RNF157: variants seen among roughly 807,000 people sequenced by gnomAD.
RNF157 encodes the protein E3 ubiquitin ligase RNF157.
Under a neutral mutation model 88.3 loss-of-function variants are expected in RNF157, and 55 were observed. The ratio of observed to expected loss-of-function variants is 0.62; its 90% CI spans 0.50 to 0.78. The LOEUF (loss-of-function observed/expected upper bound fraction) is 0.78, where lower values mean the gene tolerates loss of function less well. Ranked by LOEUF, RNF157 falls within the 30% of genes least tolerant of loss-of-function variation. The pLI, the probability that RNF157 is intolerant of heterozygous loss-of-function variation, is 0.00. For missense variants in RNF157, 788 were observed against 860.8 expected (o/e 0.92, Z 1.06); for synonymous variants, 334 against 341.2 (o/e 0.98, Z 0.23).
At position 76,143,030 on chromosome 17, in the gene RNF157, C is replaced by T. The variant is rs1322723958; in HGVS notation, c.*2205G>A. ...CAAAAGGGTTGGCCACTGACCTGTC[C>T]TCATCAGGCTGACTGAGGACCAGCT... On this transcript the variant is annotated 3_prime_UTR_variant, in exon 19 of 19. Coordinates refer to ENST00000269391, the MANE Select transcript of RNF157 (RefSeq NM_052916.3). 1 of 152,250 alleles carries T rather than the reference C, an allele frequency of 6.6e-6. No individual in the cohort carries two copies. The highest frequency in any genetic ancestry group is 1.5e-5 in the Non-Finnish European group (1 of 68,070). 9.4% of individuals were successfully genotyped at this position (152,250 alleles called of 1,614,324 possible).
chr17:76,203,652 A>G (rs915767555), intron 2 of RNF157, among the ~76,000 whole-genome samples: 1 of 150,698 alleles, frequency 6.6e-6, no homozygotes, highest in African/African-American at 2.4e-5. Flanking sequence ...GGGTTTCACC[A>G]CGCTGGCCAG....
At chr17:76,167,582 T>C (rs2068947867) in intron 4 of RNF157, 69 bp downstream of exon 4, 6 of 1,599,638 alleles carry the variant, frequency 3.8e-6, no homozygotes, top group Non-Finnish European at 4.3e-6. Flanking sequence ...GGTAATACCA[T>C]TCTGGAACTC....
chr17:76,179,023 G>A (rs56009254), intron 2 of RNF157, among the ~76,000 whole-genome samples: 2,960 of 152,244 alleles, frequency 0.019, 50 homozygotes, highest in Non-Finnish European at 0.029. Context: ...CTAAAGTCAA[G>A]ACATCAGATA....
intron 2 of RNF157, among the ~76,000 whole-genome samples, chr17:76,211,560 G>A (rs1417095100): frequency 1.3e-5 from 2 of 152,214 alleles, no homozygotes; most frequent in Non-Finnish European, 2.9e-5. Flanking sequence ...ATGACTTTGA[G>A]AAAAATGTAT....
intron 1 of RNF157, among the ~76,000 whole-genome samples, chr17:76,231,494 C>T (rs943268487): frequency 6.6e-6 from 1 of 152,144 alleles, no homozygotes; most frequent in Non-Finnish European, 1.5e-5. Flanking sequence ...GATGAGATCT[C>T]ACCACGTTGA....
At chr17:76,223,776 CCAAA>C (rs985788269) in intron 1 of RNF157, among the ~76,000 whole-genome samples, 2 of 152,012 alleles carry the variant, frequency 1.3e-5, no homozygotes, top group Non-Finnish European at 2.9e-5. Context: ...AAACAAAAAA[CCAAA>C]CAGACTGCAC....
intron 2 of RNF157, among the ~76,000 whole-genome samples, chr17:76,207,256 CA>C (rs993569627): frequency 3.3e-5 from 5 of 152,002 alleles, no homozygotes; most frequent in African/African-American, 9.7e-5. Context: ...CCTGTCTCTA[CA>C]AAAAAAATTT....
chr17:76,180,691 C>T (rs962585676), intron 2 of RNF157, among the ~76,000 whole-genome samples: 3 of 152,068 alleles, frequency 2.0e-5, no homozygotes, highest in Admixed American at 6.5e-5. Flanking sequence ...TCCCAAAGTG[C>T]GGGGATTAGA....
In RNF157 at chr17:76,143,161, AT is replaced by A. The variant is rs1168410292; in HGVS notation, c.*2073del. On this transcript the variant is annotated 3_prime_UTR_variant, in exon 19 of 19. Transcript: ENST00000269391. ...AGTAACTGAGAAACAAGTAAAGGACATTTCTAACCTAGGTATGCCTTGGACA... is the reference window on the plus strand; with the variant it reads ...AGTAACTGAGAAACAAGTAAAGGACATTCTAACCTAGGTATGCCTTGGACA... The A allele has an allele frequency of 2.0e-5, 3 of 152,272 alleles. No homozygotes were observed. The highest frequency in any genetic ancestry group is 7.2e-5 in the African/African-American group (3 of 41,444). The allele number at this position is 152,272 out of a possible 1,614,324, so 9.4% of individuals were successfully genotyped here. A position where few individuals can be genotyped will look rare whatever the true frequency, so the allele number is the denominator to read the frequency against.
At chr17:76,170,647 A>G (rs973708022) in intron 3 of RNF157, among the ~76,000 whole-genome samples, 1 of 152,024 alleles carries the variant, frequency 6.6e-6, no homozygotes, top group Admixed American at 6.6e-5. Flanking sequence ...TTAGCCTCCC[A>G]CCTCAACTTC....
At chr17:76,231,937 GCTTT>G (rs1477269737) in intron 1 of RNF157, among the ~76,000 whole-genome samples, 1 of 152,122 alleles carries the variant, frequency 6.6e-6, no homozygotes, top group Non-Finnish European at 1.5e-5. Flanking sequence ...ACACTATTCT[GCTTT>G]CTATCTCTAT....
Position 76,146,951 on chromosome 17 carries a change from C to T in RNF157, c.1922-1598G>A. The T allele has an allele frequency of 3.0e-6, 3 of 985,406 alleles. No homozygotes were observed. Among genetic ancestry groups the T allele is most frequent in the Non-Finnish European group, 3.6e-6 (3 of 829,922 alleles). 61.0% of individuals were successfully genotyped at this position (985,406 alleles called of 1,614,324 possible). A position where few individuals can be genotyped will look rare whatever the true frequency, so the allele number is the denominator to read the frequency against. On this transcript the variant is annotated intron_variant, in intron 18 of 18. Transcript: ENST00000269391. This position sits in a 1 kb window ranked among gnomAD's most constrained non-coding sequence, Gnocchi z 4.2. ...GTCAACAGGTATAAATGGCTTATTT[C>T]CATCAATGCCTTGGTGTGCTAATCC...
At chr17:76,196,369 G>A (rs1233441928) in intron 2 of RNF157, among the ~76,000 whole-genome samples, 1 of 152,206 alleles carries the variant, frequency 6.6e-6, no homozygotes, top group African/African-American at 2.4e-5. Context: ...GTAACAACAG[G>A]AAAGGAGCAG....
intron 1 of RNF157, among the ~76,000 whole-genome samples, chr17:76,218,866 G>A (rs2069934604): frequency 6.6e-6 from 1 of 151,848 alleles, no homozygotes; most frequent in African/African-American, 2.4e-5. Context: ...CCCGGGAAGT[G>A]GAGGTTGCAG....
chr17:76,154,427 A>G, intron 16 of RNF157, 99 bp from the exon 17 acceptor site: 1 of 810,622 alleles, frequency 1.2e-6, no homozygotes, highest in Admixed American at 1.8e-5. Flanking sequence ...ATCTAACTCC[A>G]GGGCCTACGT....
In RNF157 at chr17:76,208,861, C is replaced by T. The variant is rs145718764; in HGVS notation, c.207+3503G>A. Among the ~76,000 whole-genome samples the T allele has an allele frequency of 6.0e-3, 919 of 151,912 alleles. 10 individuals are homozygous for T. The highest frequency in any genetic ancestry group is 0.021 in the African/African-American group (874 of 41,376). On this transcript the variant is annotated intron_variant, in intron 2 of 18. Coordinates refer to ENST00000269391, the MANE Select transcript of RNF157 (RefSeq NM_052916.3). The stretch of plus-strand genomic sequence containing the variant: ...TGGTGGCAGGCACCTGTAATCCCAG[C>T]TAGTCAGGAGGCTGAGGCAGGAGAA...
At chr17:76,226,702 A>G in intron 1 of RNF157, 1 of 1,612,064 alleles carries the variant, frequency 6.2e-7, no homozygotes, top group Non-Finnish European at 8.5e-7. Context: ...CCACGTAGTC[A>G]TCTAAGAGAC....
intron 1 of RNF157, among the ~76,000 whole-genome samples, chr17:76,221,963 G>A (rs375666444): frequency 7.2e-4 from 110 of 152,340 alleles, no homozygotes; most frequent in Middle Eastern, 3.4e-3. Context: ...GAAATATCCA[G>A]ATAGGTAAAT....
At chr17:76,184,117 G>A (rs2069242408) in intron 2 of RNF157, among the ~76,000 whole-genome samples, 1 of 151,730 alleles carries the variant, frequency 6.6e-6, no homozygotes, top group African/African-American at 2.4e-5. Flanking sequence ...CTTGAACCTG[G>A]GAGGCAGAGG....
Sources: allele counts gnomAD v4.1 joint callset (sites outside exome capture counted in the v4.1 genomes callset), GRCh38; gene constraint gnomAD v4.1.1; non-coding constraint Gnocchi (gnomAD v3.1); transcripts MANE v1.5; gene names NCBI Gene and HGNC (gene_info 2026-07-23, HGNC 2026-07-21).